Variants in CELF2 observed in about 807,000 individuals in gnomAD.
CELF2 encodes CUG triplet repeat RNA-binding protein 2.
In CELF2, 8 loss-of-function variants were observed where a neutral mutation model predicts 62.6. The observed-to-expected ratio is 0.13, with a 90% CI of 0.07 to 0.23. The LOEUF is 0.23. CELF2 is among the 10% of genes least tolerant of loss of function. The probability of loss-of-function intolerance (pLI) is 1.00; values close to 1 mark genes in which losing one functional copy is unlikely to be tolerated. For synonymous variants in CELF2, 258 were observed against 250.0 expected, an observed-to-expected ratio of 1.03 and a Z score of -0.30; for missense variants, 333 against 671.0, an observed-to-expected ratio of 0.50 and a Z score of 5.56.
intron 2 of CELF2, chr10:10,946,807 C>T (rs1047825478): frequency 6.6e-6 from 1 of 152,202 alleles, no homozygotes; most frequent in African/African-American, 2.4e-5. Flanking sequence ...CAACTAGGAC[C>T]TCATGTGCTT....
At chr10:10,872,436 A>C (rs1306853175) in intron 1 of CELF2, among the ~76,000 whole-genome samples, 1 of 152,184 alleles carries the variant, frequency 6.6e-6, no homozygotes, top group Admixed American at 6.5e-5. Flanking sequence ...TGCTTTATGG[A>C]TTTTTTTAAG....
chr10:10,507,398 C>T, the CELF2 span, among the ~76,000 whole-genome samples: 1 of 151,946 alleles, frequency 6.6e-6, no homozygotes, highest in Admixed American at 6.6e-5. Flanking sequence ...TTTTTCTTTC[C>T]AAGCAGGCCT....
chr10:10,816,048 T>TA (rs959610820), intron 1 of CELF2, among the ~76,000 whole-genome samples: 3 of 152,200 alleles, frequency 2.0e-5, no homozygotes, highest in Non-Finnish European at 4.4e-5. Context: ...ATAGACCTTT[T>TA]ACTTTTATTG....
At chr10:10,596,480 G>A in the CELF2 span, among the ~76,000 whole-genome samples, 2 of 152,168 alleles carry the variant, frequency 1.3e-5, no homozygotes, top group African/African-American at 2.4e-5. Flanking sequence ...GCCATGGTGG[G>A]TGGGTAGCAA....
rs527488173 is a variant in CELF2, at chr10:11,007,492, C to A, written c.53+2052C>A. The stretch of plus-strand genomic sequence containing the variant: ...ATGGACAGTATTTTCAGAGTAGGTA[C>A]ACTCAAAACATATGTGCAGCATAAT... On this transcript the variant is annotated intron_variant, in intron 1 of 12. Transcript: ENST00000416382. Among the ~76,000 whole-genome samples the A allele has an allele frequency of 6.2e-4, 95 of 152,126 alleles. 1 individual carries two copies. Among genetic ancestry groups the A allele is most frequent in the Admixed American group, 6.5e-4 (10 of 15,272 alleles).
At chr10:10,808,069 T>C (rs1278884130) in intron 1 of CELF2, among the ~76,000 whole-genome samples, 10 of 152,184 alleles carry the variant, frequency 6.6e-5, no homozygotes, top group Non-Finnish European at 2.9e-5. Context: ...ATACTGAAGA[T>C]GGCCATGGTT....
chr10:11,282,970 G>C (rs1028504379), intron 8 of CELF2, among the ~76,000 whole-genome samples: 2 of 152,210 alleles, frequency 1.3e-5, no homozygotes, highest in Non-Finnish European at 2.9e-5. Context: ...GTCTCACTCT[G>C]TTGCCCAGGC....
chr10:10,811,044 G>A (rs534123987), intron 1 of CELF2, among the ~76,000 whole-genome samples: 3 of 152,208 alleles, frequency 2.0e-5, no homozygotes, highest in East Asian at 3.9e-4. Context: ...ATGTCTCCTC[G>A]CTGTGCTCCT....
the CELF2 span, among the ~76,000 whole-genome samples, chr10:10,470,513 A>G: frequency 6.6e-6 from 1 of 151,806 alleles, no homozygotes; most frequent in African/African-American, 2.4e-5. Context: ...TTGGCTGCTT[A>G]TCAGCTGAGG....
chr10:11,240,635 A>G (rs1265131387), intron 3 of CELF2, among the ~76,000 whole-genome samples: 21 of 151,702 alleles, frequency 1.4e-4, no homozygotes, highest in Admixed American at 1.4e-3. Flanking sequence ...ACATGTTTTT[A>G]TTTCTTTCCT....
rs1226541769 is a variant in CELF2, at chr10:11,296,678, AAC to A, written c.976+8130_976+8131del. On this transcript the variant is annotated intron_variant, in intron 9 of 12. Transcript: ENST00000633077. This position sits in a 1 kb window ranked among gnomAD's most constrained non-coding sequence, Gnocchi z 5.0. ...CAACTAGATGCATTGGCCACCTACA[AAC>A]ACAAGCAAAATGTACCGACCTGTAC... Among the ~76,000 whole-genome samples, 5 of 152,318 alleles carry A rather than the reference AAC, an allele frequency of 3.3e-5. No homozygotes were observed. The South Asian group carries it at 6.2e-4, about 19-fold the overall frequency.
At chr10:10,493,826 C>A in the CELF2 span, among the ~76,000 whole-genome samples, 1 of 152,168 alleles carries the variant, frequency 6.6e-6, no homozygotes. Flanking sequence ...GCCACCGTGC[C>A]CAGCTGCAAA....
intron 7 of CELF2, among the ~76,000 whole-genome samples, chr10:11,273,630 A>G (rs552186287): frequency 5.3e-5 from 8 of 152,298 alleles, no homozygotes; most frequent in Admixed American, 2.6e-4. Flanking sequence ...AGGGTTTATC[A>G]TATCAAACTG....
rs899977872 is a variant in CELF2 at position 11,145,865 on chromosome 10, C to T, written c.75-19621C>T. On this transcript the variant is annotated intron_variant, in intron 1 of 12. Transcript: ENST00000633077. This position sits in a 1 kb window ranked among gnomAD's most constrained non-coding sequence, Gnocchi z 4.3. The stretch of plus-strand genomic sequence containing the variant: ...CTGTTTAAAATGTGGATTTTATATA[C>T]GTTGTTTACATTTTATGAGAGAATT... Among the ~76,000 whole-genome samples, 3 of 152,120 alleles carry T rather than the reference C, an allele frequency of 2.0e-5. No individual in the cohort carries two copies. Among genetic ancestry groups the T allele is most frequent in the African/African-American group, 2.4e-5 (1 of 41,388 alleles).
intron 1 of CELF2, among the ~76,000 whole-genome samples, chr10:11,049,213 CTT>C (rs558304756): frequency 2.1e-5 from 3 of 144,812 alleles, no homozygotes; most frequent in African/African-American, 2.5e-5. Flanking sequence ...AGTATGCCAT[CTT>C]TTTTTTTTTT....
chr10:10,543,779 A>G, the CELF2 span, among the ~76,000 whole-genome samples: 3 of 151,878 alleles, frequency 2.0e-5, no homozygotes, highest in African/African-American at 4.8e-5. Flanking sequence ...AACAACAACA[A>G]CAAAGCAGTA....
chr10:10,908,086 C>T (rs953578895), intron 1 of CELF2, among the ~76,000 whole-genome samples: 3 of 151,912 alleles, frequency 2.0e-5, no homozygotes, highest in African/African-American at 7.3e-5. Flanking sequence ...CCCGGCCTGC[C>T]CGTACAGTCA....
At chr10:10,897,791 CAG>C (rs982522368) in intron 1 of CELF2, among the ~76,000 whole-genome samples, 7 of 152,164 alleles carry the variant, frequency 4.6e-5, no homozygotes, top group African/African-American at 1.7e-4. Flanking sequence ...GGAACAGAGA[CAG>C]AATGAAATGA....
intron 1 of CELF2, among the ~76,000 whole-genome samples, chr10:11,130,451 A>G (rs2059447008): frequency 6.6e-6 from 1 of 152,168 alleles, no homozygotes; most frequent in Non-Finnish European, 1.5e-5. Flanking sequence ...CCTTACTGGG[A>G]TGCCCCATAG....
Sources: gnomAD v4.1 joint callset for allele counts (sites outside exome capture counted in the v4.1 genomes callset) on GRCh38, gnomAD v4.1.1 for gene constraint, Gnocchi (gnomAD v3.1) non-coding constraint, MANE v1.5 for transcripts, NCBI Gene and HGNC (gene_info 2026-07-23, HGNC 2026-07-21) for gene names.